PTPRD: variants seen among roughly 807,000 people sequenced by gnomAD.
PTPRD encodes receptor-type tyrosine-protein phosphatase delta.
PTPRD carries 34 observed loss-of-function variants against 214.5 expected under a neutral mutation model. The observed-to-expected ratio is 0.16, with a 90% CI of 0.12 to 0.21. The LOEUF is 0.21. Among genes scored for constraint, PTPRD ranks in the 10% least tolerant of loss-of-function variants. The probability of loss-of-function intolerance (pLI) is 1.00; values close to 1 mark genes in which losing one functional copy is unlikely to be tolerated. For missense variants in PTPRD, 2,545 were observed against 2,398.7 expected (o/e 1.06, Z -1.27); for synonymous variants, 1,128 against 845.7 (o/e 1.33, Z -5.79).
At chr9:8,726,602 T>A (rs1334863988) in intron 12 of PTPRD, among the ~76,000 whole-genome samples, 90 of 1,068 alleles carry the variant, frequency 0.084, 23 homozygotes, top group African/African-American at 0.35. Flanking sequence ...TATATATATA[T>A]ATATATATAT....
At chr9:10,321,289 A>G (rs1369964857) in intron 3 of PTPRD, among the ~76,000 whole-genome samples, 1 of 152,096 alleles carries the variant, frequency 6.6e-6, no homozygotes, top group African/African-American at 2.4e-5. Context: ...CTGCAGTCAG[A>G]GAAAACATCT....
intron 11 of PTPRD, among the ~76,000 whole-genome samples, chr9:8,868,637 T>A (rs768282622): frequency 7.9e-5 from 12 of 152,208 alleles, no homozygotes; most frequent in Non-Finnish European, 1.5e-4. Flanking sequence ...GTTTCTTTTT[T>A]TTCTCCCAGC....
intron 37 of PTPRD, among the ~76,000 whole-genome samples, chr9:8,386,865 A>G (rs1046025646): frequency 6.6e-6 from 1 of 152,174 alleles, no homozygotes; most frequent in African/African-American, 2.4e-5. Context: ...GGAGGGAGGA[A>G]GACGGAAGAG....
chr9:8,499,350 C>G (rs956383010), intron 25 of PTPRD, among the ~76,000 whole-genome samples: 4 of 152,134 alleles, frequency 2.6e-5, no homozygotes, highest in African/African-American at 4.8e-5. Context: ...CTAAGTCAAT[C>G]ATTTTTTGAA....
chr9:9,060,842 C>G (rs1286077609), intron 10 of PTPRD, among the ~76,000 whole-genome samples: 1 of 152,052 alleles, frequency 6.6e-6, no homozygotes, highest in Non-Finnish European at 1.5e-5. Flanking sequence ...ATTAAAATGT[C>G]TAACAATATT....
At chr9:9,840,774 A>G (rs1334204562) in intron 5 of PTPRD, among the ~76,000 whole-genome samples, 2 of 41,642 alleles carry the variant, frequency 4.8e-5, no homozygotes, top group South Asian at 7.4e-4. Context: ...AAAAAAAAAA[A>G]AAAAAAAAAA....
At chr9:9,279,253 T>G in intron 9 of PTPRD, among the ~76,000 whole-genome samples, 1 of 149,628 alleles carries the variant, frequency 6.7e-6, no homozygotes, top group Middle Eastern at 3.5e-3. Context: ...TAAGAATATG[T>G]GAATGAAGAA....
At chr9:8,851,209 A>G (rs936987150) in intron 11 of PTPRD, among the ~76,000 whole-genome samples, 3 of 151,820 alleles carry the variant, frequency 2.0e-5, no homozygotes, top group African/African-American at 4.8e-5. Context: ...AAGAAAAAAA[A>G]AAAAAGGCAC....
intron 37 of PTPRD, among the ~76,000 whole-genome samples, chr9:8,379,879 T>A (rs2135147252): frequency 6.6e-6 from 1 of 152,280 alleles, no homozygotes; most frequent in South Asian, 2.1e-4. Flanking sequence ...TCTCCCTGGA[T>A]GCCTGGAAAA....
intron 5 of PTPRD, among the ~76,000 whole-genome samples, chr9:9,809,070 G>C (rs1418510232): frequency 6.6e-6 from 1 of 151,648 alleles, no homozygotes; most frequent in Non-Finnish European, 1.5e-5. Flanking sequence ...ACAGGCAGAA[G>C]CCTCCGTGCC....
intron 9 of PTPRD, among the ~76,000 whole-genome samples, chr9:9,312,605 G>A (rs1959519705): frequency 6.6e-6 from 1 of 152,094 alleles, no homozygotes; most frequent in Non-Finnish European, 1.5e-5. Context: ...TAGTCACAGT[G>A]AGTGAATGTG....
chr9:8,358,366 T>A (rs75274032), intron 39 of PTPRD, among the ~76,000 whole-genome samples: 10,120 of 152,222 alleles, frequency 0.066, 437 homozygotes, highest in Middle Eastern at 0.11. Flanking sequence ...ATACTGACTA[T>A]TTTGTTTTCA....
intron 3 of PTPRD, among the ~76,000 whole-genome samples, chr9:10,307,206 CT>C: frequency 6.8e-6 from 1 of 146,010 alleles, no homozygotes; most frequent in Non-Finnish European, 1.5e-5. Context: ...ATTAAATAAC[CT>C]GTTTTCATCC....
rs774302031 is a variant in PTPRD, at chr9:8,504,372, T to C, written c.1711A>G (p.Arg571Gly). 1.2e-6 allele frequency: 2 copies of C among 1,614,170 alleles called. No homozygotes were observed. Among genetic ancestry groups the C allele is most frequent in the Non-Finnish European group, 8.5e-7 (1 of 1,179,998 alleles). The change falls in exon 23 of 46, where the codon AGG becomes GGG. Residue 571 changes from arginine to glycine, a missense_variant. Arg to Gly is a moderately radical substitution (Grantham distance 125, BLOSUM62 -2). Transcript: ENST00000381196. Reference sequence around the variant, plus strand: ...CTGTTTGGTTTCAGTCCTTGCAGCCTATATGATGTCCCTGGCTCAATGGTA... The same window carrying C: ...CTGTTTGGTTTCAGTCCTTGCAGCCCATATGATGTCCCTGGCTCAATGGTA... Reference protein sequence around the residue: ...RITIEPGTSYRLQGLKPNSLY... With the variant: ...RITIEPGTSYGLQGLKPNSLY...
intron 9 of PTPRD, among the ~76,000 whole-genome samples, chr9:9,210,654 A>G (rs1016024679): frequency 6.6e-6 from 1 of 152,130 alleles, no homozygotes; most frequent in African/African-American, 2.4e-5. Context: ...TATTACTTTC[A>G]TACAAATGAC....
At chr9:9,113,138 AAT>A (rs974672003) in intron 10 of PTPRD, among the ~76,000 whole-genome samples, 1 of 150,618 alleles carries the variant, frequency 6.6e-6, no homozygotes, top group African/African-American at 2.4e-5. Context: ...CTAATTAAAA[AAT>A]ATATATATAT....
chr9:8,743,344 C>G (rs1215130731), intron 11 of PTPRD, among the ~76,000 whole-genome samples: 1 of 152,120 alleles, frequency 6.6e-6, no homozygotes, highest in Admixed American at 6.6e-5. Context: ...AAGAATGAAG[C>G]TGTTAAATGG....
intron 4 of PTPRD, among the ~76,000 whole-genome samples, chr9:9,955,979 C>G (rs1311162105): frequency 6.6e-6 from 1 of 152,036 alleles, no homozygotes; most frequent in Non-Finnish European, 1.5e-5. Flanking sequence ...TGGGGGGGAT[C>G]TAAAATCTTA....
chr9:9,945,145 T>C (rs933940234), intron 4 of PTPRD, among the ~76,000 whole-genome samples: 5 of 152,260 alleles, frequency 3.3e-5, no homozygotes, highest in East Asian at 1.9e-4. Flanking sequence ...CAGTTAAAGT[T>C]GATTACCAAG....
Sources: allele counts gnomAD v4.1 joint callset (sites outside exome capture counted in the v4.1 genomes callset), GRCh38; gene constraint gnomAD v4.1.1; transcripts MANE v1.5; gene names NCBI Gene and HGNC (gene_info 2026-07-23, HGNC 2026-07-21).